Variants in PDE3A observed in about 807,000 individuals in gnomAD.
The protein encoded by PDE3A is phosphodiesterase 3A, also known as cGMP-inhibited 3',5'-cyclic phosphodiesterase 3A.
Under a neutral mutation model 98.3 loss-of-function variants are expected in PDE3A, and 43 were observed. The ratio of observed to expected loss-of-function variants is 0.44; its 90% CI spans 0.34 to 0.56. The LOEUF is 0.56. Among genes scored for constraint, PDE3A ranks in the 20% least tolerant of loss-of-function variants. The pLI, the probability that PDE3A is intolerant of heterozygous loss-of-function variation, is 0.01. For synonymous variants in PDE3A, 663 were observed against 567.9 expected (o/e 1.17, Z -2.38); for missense variants, 1,427 against 1,440.7 (o/e 0.99, Z 0.15).
At chr12:20,653,469 T>A (rs1944967481) in intron 14 of PDE3A, among the ~76,000 whole-genome samples, 1 of 152,008 alleles carries the variant, frequency 6.6e-6, no homozygotes, top group Non-Finnish European at 1.5e-5. Flanking sequence ...TTCAAGTGAT[T>A]CTCCTGCCTC....
chr12:20,502,135 G>C (rs183923696), intron 1 of PDE3A, among the ~76,000 whole-genome samples: 1 of 152,234 alleles, frequency 6.6e-6, no homozygotes, highest in African/African-American at 2.4e-5. Context: ...ATGAATTACT[G>C]TATCAGTTAG....
chr12:20,532,272 A>G (rs2121190368), intron 1 of PDE3A, among the ~76,000 whole-genome samples: 1 of 152,238 alleles, frequency 6.6e-6, no homozygotes, highest in Non-Finnish European at 1.5e-5. Context: ...GATTCTAGGC[A>G]TTTGTCTTAT....
At chr12:20,416,853 AG>A (rs1253550296) in intron 1 of PDE3A, among the ~76,000 whole-genome samples, 1 of 152,200 alleles carries the variant, frequency 6.6e-6, no homozygotes, top group East Asian at 1.9e-4. Flanking sequence ...AACTTCCTTT[AG>A]GAACAGATAC....
intron 2 of PDE3A, among the ~76,000 whole-genome samples, chr12:20,604,704 A>AAAAT (rs1943671020): frequency 6.6e-6 from 1 of 152,208 alleles, no homozygotes; most frequent in South Asian, 2.1e-4. Flanking sequence ...GAGAATCATA[A>AAAAT]AAATATGATA....
intron 14 of PDE3A, among the ~76,000 whole-genome samples, chr12:20,651,150 A>C (rs6487124): frequency 0.026 from 3,917 of 152,288 alleles, 143 homozygotes; most frequent in African/African-American, 0.089. Context: ...AAAAGCTAAA[A>C]AGAAATAGAC....
At chr12:20,616,467 G>T (rs777061300) in intron 4 of PDE3A, 83 bp downstream of exon 4, 147 of 1,342,030 alleles carry the variant, frequency 1.1e-4, no homozygotes, top group Middle Eastern at 7.4e-4. Flanking sequence ...GAGAAGGAAG[G>T]CTAACCAATT....
chr12:20,437,487 G>A (rs546943950), intron 1 of PDE3A, among the ~76,000 whole-genome samples: 25 of 152,194 alleles, frequency 1.6e-4, no homozygotes, highest in African/African-American at 5.8e-4. Flanking sequence ...CTGCAGACTG[G>A]GCAAGCATGG....
At position 20,615,020 on chromosome 12, in the gene PDE3A, T is replaced by C. The variant is rs552063035; in HGVS notation, c.1270-1210T>C. On this transcript the variant is annotated intron_variant, in intron 3 of 15. Coordinates refer to ENST00000359062, the MANE Select transcript of PDE3A (RefSeq NM_000921.5). ...TTTTTCTTTCTTTCTCTCTTTCTTT[T>C]TTTTTTTTTTTTTTTTTTTGAGACG... Among the ~76,000 whole-genome samples, 3 of 125,524 alleles carry C rather than the reference T, an allele frequency of 2.4e-5. No homozygotes were observed. In the South Asian group the frequency reaches 8.0e-4, roughly 34 times the overall value. 82.3% of individuals were successfully genotyped at this position (125,524 alleles called of 152,430 possible).
chr12:20,659,830 A>G (rs955087156), intron 15 of PDE3A, among the ~76,000 whole-genome samples: 1 of 152,232 alleles, frequency 6.6e-6, no homozygotes, highest in Non-Finnish European at 1.5e-5. Flanking sequence ...CCACTTATCA[A>G]TACTTCATCA....
intron 1 of PDE3A, among the ~76,000 whole-genome samples, chr12:20,509,938 G>A (rs1946189996): frequency 6.6e-6 from 1 of 151,806 alleles, no homozygotes; most frequent in Admixed American, 6.6e-5. Context: ...ATGTTTTTTA[G>A]CCATTTGTAT....
chr12:20,654,489 G>T (rs1565464788), intron 15 of PDE3A, among the ~76,000 whole-genome samples: 1 of 100,872 alleles, frequency 9.9e-6, no homozygotes, highest in Admixed American at 9.1e-5. Flanking sequence ...CAGGGTATCT[G>T]GTTTTTTGTT....
intron 15 of PDE3A, among the ~76,000 whole-genome samples, chr12:20,675,522 A>T (rs1200897445): frequency 1.3e-5 from 2 of 152,170 alleles, no homozygotes; most frequent in African/African-American, 4.8e-5. Context: ...TTCCTCAACT[A>T]TTTTTGTGTT....
At chr12:20,542,897 G>C (rs1941956126) in intron 1 of PDE3A, among the ~76,000 whole-genome samples, 1 of 151,934 alleles carries the variant, frequency 6.6e-6, no homozygotes, top group Non-Finnish European at 1.5e-5. Flanking sequence ...TAAATATATA[G>C]GGAAACAGAG....
At chr12:20,483,603 G>GT (rs1177424705) in intron 1 of PDE3A, among the ~76,000 whole-genome samples, 1 of 152,136 alleles carries the variant, frequency 6.6e-6, no homozygotes, top group Admixed American at 6.5e-5. Context: ...TTATTAAAAT[G>GT]TAAAGCACAT....
chr12:20,653,915 G>A, intron 14 of PDE3A, 32 bp from the exon 15 acceptor site: 1 of 1,603,642 alleles, frequency 6.2e-7, no homozygotes, highest in Non-Finnish European at 8.5e-7. Context: ...GATGCCAGGT[G>A]AATGTTGACT....
chr12:20,544,541 T>G (rs894870803), intron 1 of PDE3A, among the ~76,000 whole-genome samples: 2 of 151,926 alleles, frequency 1.3e-5, no homozygotes, highest in Non-Finnish European at 2.9e-5. Flanking sequence ...AAATCAAATC[T>G]GATGTCTTTT....
At position 20,522,814 on chromosome 12, in the gene PDE3A, G is replaced by A. The variant is rs533549276; in HGVS notation, c.961-33846G>A. 3.3e-5 allele frequency among the ~76,000 whole-genome samples: 5 copies of A among 152,204 alleles called. No individual in the cohort carries two copies. In the East Asian group the frequency reaches 9.7e-4, roughly 29 times the overall value. Reference sequence around the variant, plus strand: ...GGAAAAAATGAAATGGGGTGGGGCAGGGAAAAGCAGACTTTGGGGGAAGAA... The same window carrying A: ...GGAAAAAATGAAATGGGGTGGGGCAAGGAAAAGCAGACTTTGGGGGAAGAA... On this transcript the variant is annotated intron_variant, in intron 1 of 15. Transcript: ENST00000359062.
intron 5 of PDE3A, among the ~76,000 whole-genome samples, chr12:20,629,508 C>G (rs992693402): frequency 2.0e-5 from 3 of 152,136 alleles, no homozygotes; most frequent in African/African-American, 7.2e-5. Context: ...AAAACAATAG[C>G]AGATCCTGTT....
chr12:20,498,280 C>G (rs939208631), intron 1 of PDE3A, among the ~76,000 whole-genome samples: 10 of 152,110 alleles, frequency 6.6e-5, no homozygotes, highest in Middle Eastern at 3.4e-3. Context: ...GCCCACCCCC[C>G]CAACTGAAGG....
Sources: allele counts gnomAD v4.1 joint callset (sites outside exome capture counted in the v4.1 genomes callset), GRCh38; gene constraint gnomAD v4.1.1; transcripts MANE v1.5; gene names NCBI Gene and HGNC (gene_info 2026-07-23, HGNC 2026-07-21).